Variants in BANK1 observed in about 807,000 individuals in gnomAD.
BANK1 encodes the protein B cell scaffold protein with ankyrin repeats 1.
BANK1 carries 95 observed loss-of-function variants against 94.5 expected under a neutral mutation model. The observed-to-expected ratio is 1.00, with a 90% CI of 0.85 to 1.19. The LOEUF is 1.19. Among genes scored for constraint, BANK1 ranks in the 50% most tolerant of loss-of-function variants. The probability of loss-of-function intolerance (pLI) is 0.00; values close to 1 mark genes in which losing one functional copy is unlikely to be tolerated. For synonymous variants in BANK1, 334 were observed against 308.4 expected, an observed-to-expected ratio of 1.08 and a Z score of -0.87; for missense variants, 987 against 932.2, an observed-to-expected ratio of 1.06 and a Z score of -0.77.
At chr4:101,814,638 T>C (rs1725839748) in intron 1 of BANK1, among the ~76,000 whole-genome samples, 1 of 152,206 alleles carries the variant, frequency 6.6e-6, no homozygotes, top group African/African-American at 2.4e-5. Context: ...ATACTTGAAG[T>C]AGAGTTGGCA....
chr4:101,891,473 G>T (rs1056959636), intron 5 of BANK1, among the ~76,000 whole-genome samples: 10 of 151,958 alleles, frequency 6.6e-5, no homozygotes, highest in African/African-American at 2.4e-4. Flanking sequence ...AATTGGAGGG[G>T]TTTATCCTGT....
intron 10 of BANK1, chr4:102,032,324 C>A (rs902999597): frequency 2.0e-5 from 3 of 152,130 alleles, no homozygotes; most frequent in African/African-American, 7.2e-5. Flanking sequence ...TGGTCATATT[C>A]TTGTTCTCCA....
intron 7 of BANK1, among the ~76,000 whole-genome samples, chr4:101,940,391 A>G (rs1578410551): frequency 6.6e-6 from 1 of 151,788 alleles, no homozygotes; most frequent in Non-Finnish European, 1.5e-5. Flanking sequence ...TGTTGTTAAC[A>G]TCTTACATTA....
In BANK1 at chr4:101,830,013, C is replaced by T. The variant is rs1726548522; in HGVS notation, c.276C>T (p.Asp92=). Residue 92 remains aspartate (D), a synonymous_variant, in exon 2 of 17, where the codon GAC becomes GAT. Transcript: ENST00000322953. ...LLILSNSLLR[D]LTPKKCQFLE... is the part of the protein sequence containing the mutation. The stretch of plus-strand genomic sequence containing the variant: ...TATTATCAAATAGCCTGCTTAGAGA[C>T]CTAACTCCAAAGAAATGTCAGTTTC... 2 of 1,613,208 alleles carry T rather than the reference C, an allele frequency of 1.2e-6. No homozygotes were observed. The highest frequency in any genetic ancestry group is 2.7e-5 in the African/African-American group (2 of 74,872).
At chr4:101,979,892 T>C (rs954788584) in intron 7 of BANK1, among the ~76,000 whole-genome samples, 1 of 151,878 alleles carries the variant, frequency 6.6e-6, no homozygotes, top group African/African-American at 2.4e-5. Flanking sequence ...CTGACTTCTC[T>C]TAGTATTACT....
intron 6 of BANK1, among the ~76,000 whole-genome samples, chr4:101,916,275 C>T (rs778443216): frequency 3.3e-5 from 5 of 151,978 alleles, no homozygotes; most frequent in Non-Finnish European, 5.9e-5. Flanking sequence ...ATGCAGATTT[C>T]CTGATTTTTA....
chr4:102,014,668 C>G (rs1726631219), intron 7 of BANK1, among the ~76,000 whole-genome samples: 1 of 152,034 alleles, frequency 6.6e-6, no homozygotes, highest in Non-Finnish European at 1.5e-5. Flanking sequence ...CTCTTGTATA[C>G]CCCTGGAAAC....
Position 101,902,288 on chromosome 4 carries a change from A to G in BANK1, c.1009+6878A>G, listed in dbSNP as rs931749789. Among the ~76,000 whole-genome samples the G allele has an allele frequency of 3.9e-5, 6 of 152,358 alleles. No individual in the cohort carries two copies. The South Asian group carries it at 1.2e-3, about 32-fold the overall frequency. On this transcript the variant is annotated intron_variant, in intron 6 of 16. Coordinates refer to ENST00000322953, the MANE Select transcript of BANK1 (RefSeq NM_017935.5). ...CTTCCTCGTGATCATTATCTACAAG[A>G]TGCAAATGGAAATTACTTTTGTAGG...
At chr4:101,998,143 T>C (rs1239217929) in intron 7 of BANK1, among the ~76,000 whole-genome samples, 1 of 152,068 alleles carries the variant, frequency 6.6e-6, no homozygotes, top group African/African-American at 2.4e-5. Flanking sequence ...TTTCAAATAA[T>C]TTATTTATTT....
At chr4:102,010,281 GCAAA>G (rs1427865856) in intron 7 of BANK1, among the ~76,000 whole-genome samples, 1 of 150,930 alleles carries the variant, frequency 6.6e-6, no homozygotes, top group Non-Finnish European at 1.5e-5. Context: ...AAACAAACAA[GCAAA>G]CAAAGAAACA....
intron 7 of BANK1, among the ~76,000 whole-genome samples, chr4:101,924,897 T>C (rs907103757): frequency 1.5e-4 from 23 of 151,768 alleles, no homozygotes; most frequent in African/African-American, 5.6e-4. Flanking sequence ...AATGTAGACA[T>C]TTGTTATCCT....
At chr4:101,897,631 T>C (rs1722131690) in intron 6 of BANK1, among the ~76,000 whole-genome samples, 1 of 151,994 alleles carries the variant, frequency 6.6e-6, no homozygotes, top group South Asian at 2.1e-4. Context: ...ACTAAGACTT[T>C]AGAGCAATTG....
intron 11 of BANK1, among the ~76,000 whole-genome samples, chr4:102,046,105 A>G (rs1395689568): frequency 6.6e-6 from 1 of 151,410 alleles, no homozygotes; most frequent in African/African-American, 2.4e-5. Flanking sequence ...ATATAGATCA[A>G]TGGAACAGAA....
intron 9 of BANK1, among the ~76,000 whole-genome samples, chr4:102,028,911 T>C (rs1455331059): frequency 6.6e-6 from 1 of 152,082 alleles, no homozygotes; most frequent in Non-Finnish European, 1.5e-5. Context: ...TATTTGTTTT[T>C]TTTTTGTTTG....
At chr4:101,982,079 C>T (rs1271745548) in intron 7 of BANK1, 1 of 152,114 alleles carries the variant, frequency 6.6e-6, no homozygotes, top group Admixed American at 6.6e-5. Context: ...TTGTGCTCTT[C>T]CTCCCTGGGT....
chr4:101,883,322 G>A (rs1728741590), intron 5 of BANK1, among the ~76,000 whole-genome samples: 1 of 152,152 alleles, frequency 6.6e-6, no homozygotes, highest in African/African-American at 2.4e-5. Flanking sequence ...TAGCTGTTGT[G>A]AGAAGACAAT....
At chr4:102,011,943 G>C (rs1346232392) in intron 7 of BANK1, among the ~76,000 whole-genome samples, 1 of 152,090 alleles carries the variant, frequency 6.6e-6, no homozygotes, top group African/African-American at 2.4e-5. Context: ...AAGGCCTTCT[G>C]ATAACTGATA....
chr4:102,067,641 A>T (rs1728637583), intron 13 of BANK1, among the ~76,000 whole-genome samples: 1 of 151,846 alleles, frequency 6.6e-6, no homozygotes, highest in Admixed American at 6.6e-5. Flanking sequence ...GCGTTATATA[A>T]AATAATTTTA....
chr4:101,823,465 C>T (rs1320240406), intron 1 of BANK1, among the ~76,000 whole-genome samples: 3 of 152,146 alleles, frequency 2.0e-5, no homozygotes, highest in Admixed American at 1.3e-4. Flanking sequence ...TCTAATATTT[C>T]CTGACTCCTA....
Sources: gnomAD v4.1 joint callset for allele counts (sites outside exome capture counted in the v4.1 genomes callset) on GRCh38, gnomAD v4.1.1 for gene constraint, MANE v1.5 for transcripts, NCBI Gene and HGNC (gene_info 2026-07-23, HGNC 2026-07-21) for gene names.